The following GABRB2 variants were observed in gnomAD, a reference collection of about 807,000 sequenced individuals.
GABRB2 encodes the protein gamma-aminobutyric acid receptor subunit beta-2.
Under a neutral mutation model 54.7 loss-of-function variants are expected in GABRB2, and 16 were observed. The ratio of observed to expected loss-of-function variants is 0.29; its 90% CI spans 0.20 to 0.44. The LOEUF (loss-of-function observed/expected upper bound fraction) is 0.44. GABRB2 is among the 20% of genes least tolerant of loss of function. The probability of loss-of-function intolerance (pLI) is 1.00; values close to 1 mark genes in which losing one functional copy is unlikely to be tolerated. For missense variants in GABRB2, 355 were observed against 644.0 expected, an observed-to-expected ratio of 0.55 and a Z score of 4.86; for synonymous variants, 244 against 233.8, an observed-to-expected ratio of 1.04 and a Z score of -0.40.
At chr5:161,417,081 A>C (rs1207138032) in intron 4 of GABRB2, among the ~76,000 whole-genome samples, 1 of 152,182 alleles carries the variant, frequency 6.6e-6, no homozygotes, top group African/African-American at 2.4e-5. Context: ...GTCACTTCAA[A>C]AAATTCTTAC....
At chr5:161,433,156 A>G (rs1430441159) in intron 4 of GABRB2, among the ~76,000 whole-genome samples, 1 of 152,182 alleles carries the variant, frequency 6.6e-6, no homozygotes, top group African/African-American at 2.4e-5. Context: ...AAAAAATCCA[A>G]TATTTCTTTA....
intron 9 of GABRB2, among the ~76,000 whole-genome samples, chr5:161,307,574 G>A (rs1757725257): frequency 6.6e-6 from 1 of 152,082 alleles, no homozygotes; most frequent in East Asian, 1.9e-4. Flanking sequence ...GCTTAGTTGA[G>A]CCTTCGTTTC....
chr5:161,380,796 G>A (rs1004610218), intron 5 of GABRB2, among the ~76,000 whole-genome samples: 3 of 151,874 alleles, frequency 2.0e-5, no homozygotes, highest in Non-Finnish European at 4.4e-5. Context: ...ATAGTGAGGT[G>A]GAAATAAAAT....
intron 7 of GABRB2, among the ~76,000 whole-genome samples, chr5:161,331,536 G>A (rs1753839918): frequency 6.6e-6 from 1 of 152,064 alleles, no homozygotes. Context: ...AAGTCACCCA[G>A]GCAACCCAGA....
chr5:161,303,351 T>C (rs1417814441), intron 9 of GABRB2, among the ~76,000 whole-genome samples: 1 of 152,206 alleles, frequency 6.6e-6, no homozygotes, highest in Non-Finnish European at 1.5e-5. Context: ...AATTTTAAAT[T>C]GTAATGAGTA....
chr5:161,361,471 G>A (rs1469235873), intron 5 of GABRB2, among the ~76,000 whole-genome samples: 3 of 151,832 alleles, frequency 2.0e-5, no homozygotes, highest in African/African-American at 7.3e-5. Flanking sequence ...GTATAATAAG[G>A]GTATAGACTA....
intron 3 of GABRB2, among the ~76,000 whole-genome samples, chr5:161,521,376 G>C (rs1760110625): frequency 6.6e-6 from 1 of 151,852 alleles, no homozygotes; most frequent in African/African-American, 2.4e-5. Flanking sequence ...CAGAATTCTA[G>C]TTGAAATTCT....
At chr5:161,318,712 G>T (rs1758117685) in intron 9 of GABRB2, among the ~76,000 whole-genome samples, 1 of 151,310 alleles carries the variant, frequency 6.6e-6, no homozygotes, top group Non-Finnish European at 1.5e-5. Context: ...AGAGTTATTG[G>T]GTCAAATTTC....
At chr5:161,326,201 A>G (rs1758356406) in intron 9 of GABRB2, among the ~76,000 whole-genome samples, 167 bp downstream of exon 9, 2 of 152,180 alleles carry the variant, frequency 1.3e-5, no homozygotes, top group Admixed American at 6.5e-5. Flanking sequence ...CAAACCTAGG[A>G]AAGTCCCACT....
intron 3 of GABRB2, among the ~76,000 whole-genome samples, chr5:161,481,431 G>A (rs562280841): frequency 1.4e-3 from 214 of 152,138 alleles, no homozygotes; most frequent in African/African-American, 4.6e-3. Flanking sequence ...TACCGGGACC[G>A]TATAGTAAAT....
chr5:161,359,440 G>GACACACACACACACAC lies in GABRB2; in HGVS notation c.542-22687_542-22672dup, dbSNP rs57251440. 3.4e-3 allele frequency among the ~76,000 whole-genome samples: 499 copies of GACACACACACACACAC among 147,798 alleles called. 5 individuals carry two copies. Among genetic ancestry groups the GACACACACACACACAC allele is most frequent in the African/African-American group, 0.011 (433 of 40,268 alleles). ...CTTTCAAGAGCACAAAATTGCATCT[G>GACACACACACACACAC]ACACACACACACACACACACACACA... is the stretch of plus-strand genomic sequence containing the variant. On this transcript the variant is annotated intron_variant, in intron 5 of 9. Coordinates refer to ENST00000393959, the MANE Select transcript of GABRB2 (RefSeq NM_001371727.1).
intron 5 of GABRB2, among the ~76,000 whole-genome samples, chr5:161,356,711 T>C (rs780011385): frequency 6.6e-6 from 1 of 152,052 alleles, no homozygotes; most frequent in Non-Finnish European, 1.5e-5. Flanking sequence ...GCAGGTGCCA[T>C]GGAAAACGTG....
At chr5:161,310,718 T>C (rs1240811156) in intron 9 of GABRB2, among the ~76,000 whole-genome samples, 6 of 151,372 alleles carry the variant, frequency 4.0e-5, no homozygotes, top group African/African-American at 7.3e-5. Flanking sequence ...AATATCTTTT[T>C]CAAAAAATAA....
intron 5 of GABRB2, among the ~76,000 whole-genome samples, chr5:161,340,084 C>T (rs1754112139): frequency 6.6e-6 from 1 of 152,106 alleles, no homozygotes; most frequent in Non-Finnish European, 1.5e-5. Context: ...TTTCTTTCCT[C>T]CTAATCTTCC....
intron 3 of GABRB2, among the ~76,000 whole-genome samples, chr5:161,510,136 T>C (rs1759721108): frequency 6.6e-6 from 1 of 151,906 alleles, no homozygotes; most frequent in Non-Finnish European, 1.5e-5. Context: ...AACAATCTAA[T>C]TATACTCTTT....
intron 4 of GABRB2, among the ~76,000 whole-genome samples, chr5:161,432,811 G>T (rs929563558): frequency 1.3e-5 from 2 of 151,974 alleles, no homozygotes; most frequent in Non-Finnish European, 2.9e-5. Context: ...TCACCACACC[G>T]CTGACTGCCA....
In GABRB2 at chr5:161,463,549, TTTTATTTATATATATATATATATATA is replaced by T. The variant is rs1178067780; in HGVS notation, c.238-3731_238-3706del. ...ATGTTGACAAGGTGATTCCAAATAT[TTTTATTTATATATATATATATATATA>T]TATATATATATATATATATATATAT... On this transcript the variant is annotated intron_variant, in intron 3 of 9. Coordinates refer to ENST00000393959, the MANE Select transcript of GABRB2 (RefSeq NM_001371727.1). 7.9e-4 allele frequency among the ~76,000 whole-genome samples: 43 copies of T among 54,488 alleles called. 1 individual carries two copies. In the South Asian group the frequency reaches 0.017, roughly 21 times the overall value. 35.7% of individuals were successfully genotyped at this position (54,488 alleles called of 152,430 possible). A position where few individuals can be genotyped will look rare whatever the true frequency, so the allele number is the denominator to read the frequency against.
intron 3 of GABRB2, among the ~76,000 whole-genome samples, chr5:161,541,976 G>A (rs535933961): frequency 6.6e-6 from 1 of 152,290 alleles, no homozygotes; most frequent in South Asian, 2.1e-4. Context: ...TTTAAAGTGA[G>A]AGATGTGCAA....
At chr5:161,330,455 T>C (rs10052351) in intron 8 of GABRB2, 11,771 of 155,168 alleles carry the variant, frequency 0.076, 533 homozygotes, top group African/African-American at 0.087. Flanking sequence ...AGAGACTTCA[T>C]CTAGTATAAA....
Sources: gnomAD v4.1 joint callset for allele counts (sites outside exome capture counted in the v4.1 genomes callset) on GRCh38, gnomAD v4.1.1 for gene constraint, MANE v1.5 for transcripts, NCBI Gene and HGNC (gene_info 2026-07-23, HGNC 2026-07-21) for gene names.